Variants in GRM1 observed in about 807,000 individuals in gnomAD.
The protein encoded by GRM1 is metabotropic glutamate receptor 1.
Under a neutral mutation model 90.9 loss-of-function variants are expected in GRM1, and 33 were observed. The ratio of observed to expected loss-of-function variants is 0.36; its 90% CI spans 0.28 to 0.49. The LOEUF is 0.49. GRM1 is among the 20% of genes least tolerant of loss of function. GRM1 has a pLI of 0.99. For synonymous variants in GRM1, 700 were observed against 613.2 expected, an observed-to-expected ratio of 1.14 and a Z score of -2.09; for missense variants, 1,190 against 1,534.3, an observed-to-expected ratio of 0.78 and a Z score of 3.75.
chr6:146,121,506 C>G (rs1775988778), intron 1 of GRM1, among the ~76,000 whole-genome samples: 1 of 152,060 alleles, frequency 6.6e-6, no homozygotes, highest in African/African-American at 2.4e-5. Context: ...TCTTGCTTCT[C>G]TAGTTCTTTA....
intron 1 of GRM1, among the ~76,000 whole-genome samples, chr6:146,139,370 A>T (rs977820722): frequency 5.3e-5 from 8 of 152,026 alleles, no homozygotes; most frequent in African/African-American, 1.9e-4. Flanking sequence ...TTCTGTGTTG[A>T]TTTTCTGTAT....
At chr6:146,250,248 T>C (rs1781223793) in intron 2 of GRM1, among the ~76,000 whole-genome samples, 1 of 152,112 alleles carries the variant, frequency 6.6e-6, no homozygotes, top group African/African-American at 2.4e-5. Context: ...GAAAAGGACA[T>C]GGGATTTGGG....
At chr6:146,315,278 T>C (rs891293009) in intron 3 of GRM1, among the ~76,000 whole-genome samples, 1 of 152,080 alleles carries the variant, frequency 6.6e-6, no homozygotes, top group Non-Finnish European at 1.5e-5. Context: ...TCCTAGCTGC[T>C]TGGGAGGCTG....
chr6:146,384,641 ATGTGTCACAT>A (rs1776435461), intron 5 of GRM1, among the ~76,000 whole-genome samples: 1 of 152,078 alleles, frequency 6.6e-6, no homozygotes, highest in African/African-American at 2.4e-5. Context: ...AAGTGGCAAA[ATGTGTCACAT>A]TACCAGGAAG....
chr6:146,184,076 T>G lies in GRM1; in HGVS notation c.950+24479T>G, dbSNP rs116888700. 5.4e-4 allele frequency among the ~76,000 whole-genome samples: 82 copies of G among 152,210 alleles called. 1 individual carries two copies. In the East Asian group the frequency reaches 0.013, roughly 24 times the overall value. ...TGGATTTAGCCAGGAATTCAATATT[T>G]AAATGGGTCACCTCGGACATATAAT... is the stretch of plus-strand genomic sequence containing the variant. On this transcript the variant is annotated intron_variant, in intron 2 of 7. Transcript: ENST00000282753.
intron 2 of GRM1, among the ~76,000 whole-genome samples, chr6:146,264,110 T>G (rs1297102007): frequency 6.6e-6 from 1 of 152,124 alleles, no homozygotes; most frequent in East Asian, 1.9e-4. Flanking sequence ...AATCACCGTC[T>G]TGGAAAGCAT....
intron 1 of GRM1, among the ~76,000 whole-genome samples, chr6:146,105,099 A>G (rs977953169): frequency 6.6e-6 from 1 of 152,180 alleles, no homozygotes; most frequent in African/African-American, 2.4e-5. Context: ...CTGTGATGCA[A>G]TTCATATTTT....
intron 1 of GRM1, among the ~76,000 whole-genome samples, chr6:146,071,085 T>C (rs140574645): frequency 1.3e-5 from 2 of 152,330 alleles, no homozygotes; most frequent in African/African-American, 4.8e-5. Context: ...CATGCTGTTC[T>C]TGTCTCATCT....
At chr6:146,033,309 T>G (rs757908125) in intron 1 of GRM1, among the ~76,000 whole-genome samples, 11 of 152,128 alleles carry the variant, frequency 7.2e-5, no homozygotes, top group Non-Finnish European at 1.2e-4. Flanking sequence ...AGCCTACCAC[T>G]GATAAGAATA....
intron 7 of GRM1, among the ~76,000 whole-genome samples, chr6:146,428,761 A>T (rs75416956): frequency 0.02 from 3,026 of 152,310 alleles, 40 homozygotes; most frequent in South Asian, 0.03. Context: ...AGAATTTCTT[A>T]GATCAGCCAG....
chr6:146,203,498 A>G (rs145314835), intron 2 of GRM1, among the ~76,000 whole-genome samples: 273 of 152,262 alleles, frequency 1.8e-3, no homozygotes, highest in African/African-American at 6.3e-3. Flanking sequence ...AACTTAGCCT[A>G]ATTGTGCACC....
intron 2 of GRM1, among the ~76,000 whole-genome samples, chr6:146,256,973 C>G (rs1781502168): frequency 1.3e-5 from 2 of 152,102 alleles, no homozygotes. Context: ...TAGATGTTTT[C>G]CTGAACAGCA....
chr6:146,249,927 C>G (rs934834115), intron 2 of GRM1, among the ~76,000 whole-genome samples: 3 of 152,174 alleles, frequency 2.0e-5, no homozygotes, highest in Non-Finnish European at 4.4e-5. Flanking sequence ...GTGTGTCCTG[C>G]TGACATGGAG....
intron 5 of GRM1, among the ~76,000 whole-genome samples, chr6:146,364,633 T>C (rs1022629088): frequency 6.6e-6 from 1 of 152,212 alleles, no homozygotes; most frequent in Non-Finnish European, 1.5e-5. Context: ...TACCTCTCTT[T>C]TGTTCTCATT....
At chr6:146,077,675 A>T (rs1776233064) in intron 1 of GRM1, among the ~76,000 whole-genome samples, 1 of 152,222 alleles carries the variant, frequency 6.6e-6, no homozygotes, top group African/African-American at 2.4e-5. Context: ...GGAAAATCTT[A>T]CTTAGTGTTT....
intron 6 of GRM1, among the ~76,000 whole-genome samples, chr6:146,389,152 G>A (rs1776619959): frequency 6.6e-6 from 1 of 151,946 alleles, no homozygotes. Flanking sequence ...TTGTGTTTGA[G>A]AGCTGGGGTT....
In GRM1 at chr6:146,434,409, C is replaced by T. The variant is rs575610612; in HGVS notation, c.3198C>T (p.Tyr1066=). Residue 1066 remains tyrosine, a synonymous_variant, in exon 8 of 8, where the codon TAC becomes TAT. Transcript: ENST00000282753. ...CCGGGAACGGGCTGCGGTCCCTGTA[C>T]CCGCCCCCGCCACCTCCGCAGCACC... ...GGPGNGLRSL[Y]PPPPPPQHLQ... is the part of the protein sequence containing the mutation. The T allele has an allele frequency of 6.2e-6, 10 of 1,613,190 alleles. No individual in the cohort carries two copies. In the East Asian group the frequency reaches 2.2e-4, roughly 36 times the overall value.
At chr6:146,310,783 G>C (rs1359993036) in intron 3 of GRM1, among the ~76,000 whole-genome samples, 1 of 152,194 alleles carries the variant, frequency 6.6e-6, no homozygotes, top group Non-Finnish European at 1.5e-5. Flanking sequence ...TGACCTCTCA[G>C]TTGAGAATGT....
In GRM1 at chr6:146,434,166, G is replaced by C; in HGVS notation, c.2955G>C (p.Ala985=). 6.2e-7 allele frequency: 1 copy of C among 1,613,684 alleles called. No individual in the cohort carries two copies. The highest frequency in any genetic ancestry group is 8.5e-7 in the Non-Finnish European group (1 of 1,179,662). The change falls in exon 8 of 8, where the codon GCG becomes GCC. Residue 985 remains alanine, a synonymous_variant. Coordinates refer to ENST00000282753, the MANE Select transcript of GRM1 (RefSeq NM_001278064.2). The part of the protein sequence containing the change: ...SMVVHRRVPS[A]ATTPPLPSHL... ...TGGTGCACAGGCGCGTGCCAAGCGC[G>C]GCGACCACTCCGCCTCTGCCGTCCC...
Sources: allele counts gnomAD v4.1 joint callset (sites outside exome capture counted in the v4.1 genomes callset), GRCh38; gene constraint gnomAD v4.1.1; transcripts MANE v1.5; gene names NCBI Gene and HGNC (gene_info 2026-07-23, HGNC 2026-07-21).